The following ENPP3 variants were observed in gnomAD, a reference collection of about 807,000 sequenced individuals.
ENPP3 encodes ectonucleotide pyrophosphatase/phosphodiesterase 3, also known as ectonucleotide pyrophosphatase/phosphodiesterase family member 3.
In ENPP3, 104 loss-of-function variants were observed where a neutral mutation model predicts 117.8. That is an observed-to-expected ratio of 0.88 (90% confidence interval 0.75 to 1.04). The LOEUF is 1.04. Ranked by LOEUF, ENPP3 falls within the 50% of genes least tolerant of loss-of-function variation. The pLI, the probability that ENPP3 is intolerant of heterozygous loss-of-function variation, is 0.00. For missense variants in ENPP3, 1,026 were observed against 1,051.9 expected (o/e 0.98, Z 0.34); for synonymous variants, 380 against 349.9 (o/e 1.09, Z -0.96).
chr6:131,650,046 C>A lies in ENPP3; in HGVS notation c.174C>A (p.Cys58Ter). 6.2e-7 allele frequency: 1 copy of A among 1,613,882 alleles called. No individual in the cohort carries two copies. Among genetic ancestry groups the A allele is most frequent in the Admixed American group, 1.7e-5 (1 of 59,984 alleles). The change falls in exon 3 of 25, where the codon TGC becomes TGA. Residue 58 changes from cysteine to a stop codon, truncating the protein, a stop_gained. Transcript: ENST00000357639. LOFTEE classifies it high-confidence loss of function. ...TTGTAGGCAGCTGCAGGAAGAAGTGCTTTGATGCATCATTTAGAGGACTGG... is the reference window on the plus strand; with the variant it reads ...TTGTAGGCAGCTGCAGGAAGAAGTGATTTGATGCATCATTTAGAGGACTGG... ...LEKQGSCRKK[C>*]FDASFRGLEN...
Position 131,676,769 on chromosome 6 carries a change from G to C in ENPP3, c.906G>C (p.Leu302=). 1 of 1,611,456 alleles carries C rather than the reference G, an allele frequency of 6.2e-7. No homozygotes were observed. Among genetic ancestry groups the C allele is most frequent in the South Asian group, 1.1e-5 (1 of 91,006 alleles). The change falls in exon 10 of 25, where the codon CTG becomes CTC. Residue 302 remains leucine, a synonymous_variant. Coordinates refer to ENST00000357639, the MANE Select transcript of ENPP3 (RefSeq NM_005021.5). ...CATTTGAAGAGAGGATTTCTACACT[G>C]TTAAAATGGCTGGACCTGCCCAAAG... The part of the protein sequence containing the change: ...SVPFEERIST[L]LKWLDLPKAE...
intron 15 of ENPP3, among the ~76,000 whole-genome samples, chr6:131,717,351 G>T (rs2327175): frequency 0.02 from 1,757 of 89,184 alleles, 86 homozygotes; most frequent in African/African-American, 0.045. Context: ...CCCTGCGGGG[G>T]GTGTGTGTGT....
intron 17 of ENPP3, among the ~76,000 whole-genome samples, chr6:131,721,750 C>T (rs1436112587): frequency 1.3e-5 from 2 of 152,058 alleles, no homozygotes; most frequent in East Asian, 1.9e-4. Flanking sequence ...TTGAAACTTG[C>T]TTTTATTAAG....
intron 21 of ENPP3, 65 bp from the exon 22 acceptor site, chr6:131,737,290 C>T (rs1780417550): frequency 2.3e-6 from 2 of 885,108 alleles, no homozygotes; most frequent in Non-Finnish European, 1.8e-6. Flanking sequence ...TAGTAGTATG[C>T]CTGTTGTGCA....
chr6:131,656,662 G>A (rs767665920), intron 5 of ENPP3, among the ~76,000 whole-genome samples: 1 of 151,948 alleles, frequency 6.6e-6, no homozygotes, highest in Non-Finnish European at 1.5e-5. Flanking sequence ...AGCTACTCGG[G>A]AGGTTGACGC....
At chr6:131,677,964 A>G (rs1778907524) in intron 11 of ENPP3, 24 bp downstream of exon 11, 3 of 794,274 alleles carry the variant, frequency 3.8e-6, no homozygotes, top group Non-Finnish European at 5.3e-6. Flanking sequence ...TTCTTAAAAG[A>G]AAAAAAAAAA....
At chr6:131,743,187 T>G (rs1780564578) in intron 24 of ENPP3, among the ~76,000 whole-genome samples, 1 of 151,776 alleles carries the variant, frequency 6.6e-6, no homozygotes, top group African/African-American at 2.4e-5. Flanking sequence ...GACCAGGAAA[T>G]GTATACGATA....
intron 15 of ENPP3, among the ~76,000 whole-genome samples, chr6:131,697,540 T>TA (rs1200635575): frequency 2.6e-5 from 4 of 151,916 alleles, no homozygotes; most frequent in Non-Finnish European, 5.9e-5. Flanking sequence ...TACAACTCGT[T>TA]ATACTGTAGA....
At chr6:131,651,881 C>T (rs951979397) in intron 3 of ENPP3, among the ~76,000 whole-genome samples, 5 of 152,128 alleles carry the variant, frequency 3.3e-5, no homozygotes, top group Non-Finnish European at 7.3e-5. Context: ...CAAAAGTTAC[C>T]TATTGAGAAT....
chr6:131,648,565 C>A (rs935237625), intron 2 of ENPP3, among the ~76,000 whole-genome samples: 19 of 152,050 alleles, frequency 1.2e-4, no homozygotes, highest in African/African-American at 4.6e-4. Context: ...CAATTCCCAG[C>A]ACAGTGCCTG....
intron 6 of ENPP3, among the ~76,000 whole-genome samples, chr6:131,670,366 G>A (rs181838768): frequency 2.2e-4 from 33 of 152,138 alleles, no homozygotes; most frequent in Non-Finnish European, 3.5e-4. Flanking sequence ...GTATAATATA[G>A]AGTACATTTA....
chr6:131,743,520 A>C (rs887299225), intron 24 of ENPP3, among the ~76,000 whole-genome samples: 1 of 152,168 alleles, frequency 6.6e-6, no homozygotes, highest in Non-Finnish European at 1.5e-5. Context: ...ATCATATCTT[A>C]GGATGAAGTT....
At chr6:131,735,826 A>G (rs1000444118) in intron 21 of ENPP3, among the ~76,000 whole-genome samples, 13 of 151,902 alleles carry the variant, frequency 8.6e-5, no homozygotes, top group African/African-American at 3.1e-4. Flanking sequence ...GGGGAGGGAG[A>G]AATGGGGAGT....
At position 131,641,518 on chromosome 6, in the gene ENPP3, C is replaced by G; in HGVS notation, c.142C>G (p.Leu48Val). 1.2e-6 allele frequency: 2 copies of G among 1,606,240 alleles called. No homozygotes were observed. Among genetic ancestry groups the G allele is most frequent in the East Asian group, 4.5e-5 (2 of 44,838 alleles). Residue 48 changes from leucine to valine, a missense_variant, in exon 2 of 25, where the codon CTG becomes GTG. By Grantham distance (32) the Leu-to-Val change is conservative. Transcript: ENST00000357639. ...AGGCCTGGGGCTTGGACTCAGGAAACTGGAAAAGCAAGGTATACCCCTCAG... is the reference window on the plus strand; with the variant it reads ...AGGCCTGGGGCTTGGACTCAGGAAAGTGGAAAAGCAAGGTATACCCCTCAG... ...GLGLGLGLRK[L>V]EKQGSCRKKC...
intron 8 of ENPP3, chr6:131,674,490 A>T: frequency 1.7e-6 from 1 of 577,360 alleles, no homozygotes; most frequent in African/African-American, 1.9e-5. Context: ...AAACTTGGAT[A>T]TTGGGTTATA....
chr6:131,643,885 A>G (rs976958032), intron 2 of ENPP3, among the ~76,000 whole-genome samples: 5 of 152,046 alleles, frequency 3.3e-5, no homozygotes, highest in African/African-American at 1.2e-4. Flanking sequence ...TAAAGTGCTA[A>G]GAAATAAGTA....
Position 131,737,254 on chromosome 6 carries a change from G to C in ENPP3, c.2090-101G>C, listed in dbSNP as rs117591668. On this transcript the variant is annotated intron_variant, in intron 21 of 24. Coordinates refer to ENST00000357639, the MANE Select transcript of ENPP3 (RefSeq NM_005021.5). ...AAAGTACTACTTCTGTGCTTTGACT[G>C]TTAATAAATTTATATTAATATGTAA... 1.3e-3 allele frequency: 942 copies of C among 704,340 alleles called. 11 individuals carry two copies. The East Asian group carries it at 0.023, about 17-fold the overall frequency. 43.6% of individuals were successfully genotyped at this position (704,340 alleles called of 1,614,324 possible).
chr6:131,665,384 C>T (rs1310830713), intron 6 of ENPP3, among the ~76,000 whole-genome samples: 4 of 151,960 alleles, frequency 2.6e-5, no homozygotes, highest in Non-Finnish European at 4.4e-5. Context: ...TGGTCTTTTT[C>T]TTGGGAGGAT....
chr6:131,735,888 G>A (rs1417784877), intron 21 of ENPP3, among the ~76,000 whole-genome samples: 1 of 152,026 alleles, frequency 6.6e-6, no homozygotes, highest in Non-Finnish European at 1.5e-5. Flanking sequence ...TAAGCTCTGG[G>A]GATCTTCTGT....
Sources: allele counts gnomAD v4.1 joint callset (sites outside exome capture counted in the v4.1 genomes callset), GRCh38; gene constraint gnomAD v4.1.1; transcripts MANE v1.5; gene names NCBI Gene and HGNC (gene_info 2026-07-23, HGNC 2026-07-21).